The following EFCAB11 variants were observed in gnomAD, a reference collection of about 807,000 sequenced individuals.
The protein encoded by EFCAB11 is EF-hand calcium-binding domain-containing protein 11.
EFCAB11 carries 14 observed loss-of-function variants against 23.0 expected under a neutral mutation model. The ratio of observed to expected loss-of-function variants is 0.61; its 90% CI spans 0.40 to 0.95. The LOEUF (loss-of-function observed/expected upper bound fraction) is 0.95. Among genes scored for constraint, EFCAB11 ranks in the 40% least tolerant of loss-of-function variants. The pLI is 0.00. For missense variants in EFCAB11, 198 were observed against 195.8 expected (o/e 1.01, Z -0.07); for synonymous variants, 65 against 66.6 (o/e 0.98, Z 0.11).
At chr14:89,808,857 A>G (rs1284883389) in intron 5 of EFCAB11, among the ~76,000 whole-genome samples, 1 of 152,244 alleles carries the variant, frequency 6.6e-6, no homozygotes, top group African/African-American at 2.4e-5. Context: ...ACAAGCATTT[A>G]GAAAATTATG....
chr14:89,913,898 C>CCTGCTTGAG (rs1219978091), intron 5 of EFCAB11, among the ~76,000 whole-genome samples: 1 of 152,160 alleles, frequency 6.6e-6, no homozygotes, highest in Non-Finnish European at 1.5e-5. Context: ...CAGAAAGCAT[C>CCTGCTTGAG]CTGCTCCTTG....
intron 5 of EFCAB11, among the ~76,000 whole-genome samples, chr14:89,865,899 C>T (rs1324128563): frequency 6.6e-6 from 1 of 151,954 alleles, no homozygotes; most frequent in Non-Finnish European, 1.5e-5. Flanking sequence ...AACTCTTGAC[C>T]TCAAGTGATC....
intron 3 of EFCAB11, among the ~76,000 whole-genome samples, chr14:89,942,451 A>G (rs1890824667): frequency 6.6e-6 from 1 of 152,174 alleles, no homozygotes; most frequent in Non-Finnish European, 1.5e-5. Flanking sequence ...TAGGTTCCTC[A>G]TTTTAAAATA....
rs376421923 is a variant in EFCAB11 at position 89,802,688 on chromosome 14, C to T, written c.411-5364G>A. On this transcript the variant is annotated intron_variant, in intron 5 of 5. Coordinates refer to ENST00000316738, the MANE Select transcript of EFCAB11 (RefSeq NM_145231.4). ...GATTATAGGCGTGAGCCACTGCGGTCGGACCCATAATTGCAATTTTATAAA... is the reference window on the plus strand; with the variant it reads ...GATTATAGGCGTGAGCCACTGCGGTTGGACCCATAATTGCAATTTTATAAA... Among the ~76,000 whole-genome samples the T allele has an allele frequency of 4.0e-4, 61 of 152,202 alleles. No homozygotes were observed. In the South Asian group the frequency reaches 8.1e-3, roughly 20 times the overall value.
chr14:89,835,588 G>A (rs1887048062), intron 5 of EFCAB11, among the ~76,000 whole-genome samples: 2 of 53,424 alleles, frequency 3.7e-5, no homozygotes, highest in South Asian at 5.3e-4. Context: ...TGCTCAACGT[G>A]TGTGTGTGTG....
chr14:89,841,867 G>A (rs1053122254), intron 5 of EFCAB11, among the ~76,000 whole-genome samples: 8 of 152,010 alleles, frequency 5.3e-5, no homozygotes, highest in Non-Finnish European at 1.0e-4. Flanking sequence ...GTGTGTTGAC[G>A]GCTCTCTCCT....
chr14:89,802,552 C>T (rs975292093), intron 5 of EFCAB11, among the ~76,000 whole-genome samples: 14 of 152,140 alleles, frequency 9.2e-5, no homozygotes, highest in East Asian at 3.9e-4. Flanking sequence ...CCACCAAGTC[C>T]GGCTAATTTT....
At chr14:89,831,178 G>T (rs1451802250) in intron 5 of EFCAB11, 4 of 152,292 alleles carry the variant, frequency 2.6e-5, no homozygotes, top group Non-Finnish European at 5.9e-5. Context: ...GATGTGGAGG[G>T]TAAGAAAAAG....
chr14:89,819,354 G>A (rs1886432656), intron 5 of EFCAB11, among the ~76,000 whole-genome samples: 1 of 151,764 alleles, frequency 6.6e-6, no homozygotes, highest in African/African-American at 2.4e-5. Flanking sequence ...GAGGGAAGGG[G>A]GAACAGGGAG....
Position 89,795,578 on chromosome 14 carries a change from A to C in EFCAB11, c.*1665T>G, listed in dbSNP as rs1167991702. ...GATACTCAGGAGGCTAAGGCAGGAGAATCACTTGATCCCAGGAGGCGGAAG... is the reference window on the plus strand; with the variant it reads ...GATACTCAGGAGGCTAAGGCAGGAGCATCACTTGATCCCAGGAGGCGGAAG... On this transcript the variant is annotated 3_prime_UTR_variant, in exon 6 of 6. Transcript: ENST00000316738. 1 of 151,898 alleles carries C rather than the reference A, an allele frequency of 6.6e-6. No individual in the cohort carries two copies. Among genetic ancestry groups the C allele is most frequent in the African/African-American group, 2.4e-5 (1 of 41,372 alleles). The allele number at this position is 151,898 out of a possible 1,614,324, so 9.4% of individuals were successfully genotyped here. A position where few individuals can be genotyped will look rare whatever the true frequency, so the allele number is the denominator to read the frequency against.
chr14:89,921,058 C>T (rs1890006205), intron 5 of EFCAB11, among the ~76,000 whole-genome samples: 1 of 105,786 alleles, frequency 9.5e-6, no homozygotes. Context: ...AAGTGAGACT[C>T]TGTCTAAAAA....
Position 89,797,079 on chromosome 14 carries a change from ATGTG to A in EFCAB11, c.*160_*163del, listed in dbSNP as rs1447278622. The A allele has an allele frequency of 2.2e-6, 1 of 451,020 alleles. No homozygotes were observed. The highest frequency in any genetic ancestry group is 4.0e-6 in the Non-Finnish European group (1 of 252,510). 27.9% of individuals were successfully genotyped at this position (451,020 alleles called of 1,614,324 possible). A position where few individuals can be genotyped will look rare whatever the true frequency, so the allele number is the denominator to read the frequency against. On this transcript the variant is annotated 3_prime_UTR_variant, in exon 6 of 6. Coordinates refer to ENST00000316738, the MANE Select transcript of EFCAB11 (RefSeq NM_145231.4). Reference sequence around the variant, plus strand: ...CCAAAATATCTCCCGTAACCCATATATGTGTGTGTATGTATACATATGCACCTAC... The same window carrying A: ...CCAAAATATCTCCCGTAACCCATATATGTGTATGTATACATATGCACCTAC...
intron 5 of EFCAB11, among the ~76,000 whole-genome samples, chr14:89,854,752 T>G (rs2140142954): frequency 6.6e-6 from 1 of 152,212 alleles, no homozygotes; most frequent in South Asian, 2.1e-4. Flanking sequence ...GGAGCTACCA[T>G]TCACTCAGGC....
chr14:89,953,823 C>T (rs1229273180), intron 2 of EFCAB11, 83 bp downstream of exon 2: 8 of 1,166,300 alleles, frequency 6.9e-6, no homozygotes, highest in Middle Eastern at 2.0e-4. Context: ...TATAAACATC[C>T]TAAGCTAGCC....
intron 5 of EFCAB11, among the ~76,000 whole-genome samples, chr14:89,857,786 T>G (rs1010219727): frequency 1.3e-5 from 2 of 152,200 alleles, no homozygotes; most frequent in African/African-American, 4.8e-5. Context: ...ACAGGAAAAG[T>G]TTGTAGTCTG....
intron 5 of EFCAB11, among the ~76,000 whole-genome samples, chr14:89,906,106 C>T (rs190514754): frequency 6.6e-6 from 1 of 151,900 alleles, no homozygotes; most frequent in East Asian, 1.9e-4. Context: ...TAATACTGTA[C>T]ATCTCATAAG....
chr14:89,872,372 T>C (rs1300543785), intron 5 of EFCAB11, among the ~76,000 whole-genome samples: 3 of 152,146 alleles, frequency 2.0e-5, no homozygotes, highest in Non-Finnish European at 4.4e-5. Context: ...GAAGCTGAAA[T>C]ACTTCCGCAT....
At chr14:89,855,260 G>C (rs1015704463) in intron 5 of EFCAB11, among the ~76,000 whole-genome samples, 11 of 151,776 alleles carry the variant, frequency 7.2e-5, no homozygotes, top group African/African-American at 2.4e-4. Flanking sequence ...AGAATCACTT[G>C]AGCCCAGAAC....
chr14:89,883,732 T>C (rs1477112474), intron 5 of EFCAB11, among the ~76,000 whole-genome samples: 4 of 152,238 alleles, frequency 2.6e-5, no homozygotes, highest in Admixed American at 2.6e-4. Context: ...AAATGCCAAG[T>C]CACCTGTCAC....
Sources: gnomAD v4.1 joint callset for allele counts (sites outside exome capture counted in the v4.1 genomes callset) on GRCh38, gnomAD v4.1.1 for gene constraint, MANE v1.5 for transcripts, NCBI Gene and HGNC (gene_info 2026-07-23, HGNC 2026-07-21) for gene names.